Variants in PDGFRL observed in about 807,000 individuals in gnomAD.
PDGFRL encodes platelet derived growth factor receptor like.
In PDGFRL, 46 loss-of-function variants were observed where a neutral mutation model predicts 37.2. That is an observed-to-expected ratio of 1.24 (90% confidence interval 0.98 to 1.58). The LOEUF (loss-of-function observed/expected upper bound fraction) is 1.58, where lower values mean the gene tolerates loss of function less well. PDGFRL is among the 40% of genes most tolerant of loss of function. The pLI is 0.00. For synonymous variants in PDGFRL, 251 were observed against 184.3 expected, an observed-to-expected ratio of 1.36 and a Z score of -2.93; for missense variants, 692 against 467.6, an observed-to-expected ratio of 1.48 and a Z score of -4.43.
chr8:17,620,188 C>CT (rs1804602836), intron 2 of PDGFRL, among the ~76,000 whole-genome samples: 1 of 152,176 alleles, frequency 6.6e-6, no homozygotes, highest in Non-Finnish European at 1.5e-5. Flanking sequence ...TCTCAAACTC[C>CT]TGGCCTCAAG....
intron 3 of PDGFRL, 53 bp from the exon 4 acceptor site, chr8:17,628,434 T>C (rs1804781207): frequency 2.0e-6 from 3 of 1,469,356 alleles, no homozygotes; most frequent in Non-Finnish European, 2.8e-6. Context: ...TTAAGGGTGC[T>C]TTTACTTTGC....
chr8:17,638,585 CCATT>C (rs1805020578), intron 5 of PDGFRL, among the ~76,000 whole-genome samples: 1 of 151,128 alleles, frequency 6.6e-6, no homozygotes, highest in Non-Finnish European at 1.5e-5. Flanking sequence ...TAGTTTAAAT[CCATT>C]GTTTCTTTGT....
chr8:17,608,955 A>C (rs11786690), intron 2 of PDGFRL, among the ~76,000 whole-genome samples: 2 of 152,080 alleles, frequency 1.3e-5, no homozygotes, highest in African/African-American at 2.4e-5. Flanking sequence ...AAGGCAGCTC[A>C]TGCCTGTAAT....
At chr8:17,603,124 A>G (rs2517179) in intron 2 of PDGFRL, among the ~76,000 whole-genome samples, 148,901 of 152,214 alleles carry the variant, frequency 0.98, 72,898 homozygotes, top group East Asian at 1. Context: ...CTGAGGTTAC[A>G]GGCGTGCGCC....
Position 17,621,072 on chromosome 8 carries a change from C to T in PDGFRL, c.375C>T (p.Tyr125=), listed in dbSNP as rs561894241. 7.8e-5 allele frequency: 125 copies of T among 1,608,434 alleles called. No individual in the cohort carries two copies. Among genetic ancestry groups the T allele is most frequent in the East Asian group, 5.4e-4 (24 of 44,614 alleles). The change falls in exon 3 of 6, where the codon TAC becomes TAT. Residue 125 remains tyrosine (Y), a synonymous_variant. Coordinates refer to ENST00000251630, the MANE Select transcript of PDGFRL (RefSeq NM_001372073.1). ...CTAGCGTCAAGCAGAATGAGCGCTA[C>T]GGCCAGTTGACTCTGGTCAACTCCA... The part of the protein sequence containing the change: ...SRLSVKQNER[Y]GQLTLVNSTS...
At chr8:17,577,214 C>G (rs745866934), upstream of PDGFRL, 7 of 1,599,104 alleles carry the variant, frequency 4.4e-6, no homozygotes, top group Admixed American at 1.0e-4. Flanking sequence ...CCCCGCGCAG[C>G]CGCCGCGCTC....
chr8:17,599,819 G>T (rs1420170588), intron 2 of PDGFRL, among the ~76,000 whole-genome samples: 1 of 152,102 alleles, frequency 6.6e-6, no homozygotes, highest in Non-Finnish European at 1.5e-5. Context: ...CTCCTTCCCT[G>T]ATCTACCAGT....
In PDGFRL at chr8:17,643,002, G is replaced by C; in HGVS notation, c.*201G>C. 1 of 499,764 alleles carries C rather than the reference G, an allele frequency of 2.0e-6. No homozygotes were observed. Among genetic ancestry groups the C allele is most frequent in the South Asian group, 3.8e-5 (1 of 26,622 alleles). 31.0% of individuals were successfully genotyped at this position (499,764 alleles called of 1,614,324 possible). On this transcript the variant is annotated 3_prime_UTR_variant, in exon 6 of 6. Coordinates refer to ENST00000251630, the MANE Select transcript of PDGFRL (RefSeq NM_001372073.1). Reference sequence around the variant, plus strand: ...CACAGAAGTGTTAACTTTTCTAACAGAAAGCATGATTTTGATTGCTTACCT... The same window carrying C: ...CACAGAAGTGTTAACTTTTCTAACACAAAGCATGATTTTGATTGCTTACCT...
At chr8:17,622,758 C>T (rs144101772) in intron 3 of PDGFRL, among the ~76,000 whole-genome samples, 152 of 152,290 alleles carry the variant, frequency 1.0e-3, no homozygotes, top group African/African-American at 3.5e-3. Context: ...AGGTTGCTCT[C>T]CACACAATTG....
intron 2 of PDGFRL, among the ~76,000 whole-genome samples, chr8:17,609,161 T>C (rs953773180): frequency 6.6e-6 from 1 of 152,136 alleles, no homozygotes; most frequent in Non-Finnish European, 1.5e-5. Context: ...ATGGTCACAC[T>C]GCTGCACTCC....
At chr8:17,633,804 T>G (rs35366230) in intron 4 of PDGFRL, among the ~76,000 whole-genome samples, 13,173 of 152,188 alleles carry the variant, frequency 0.087, 707 homozygotes, top group African/African-American at 0.14. Flanking sequence ...TGACCACTGA[T>G]GGACCTCTGA....
At chr8:17,634,972 G>GT (rs1563530802) in intron 5 of PDGFRL, among the ~76,000 whole-genome samples, 7 of 146,304 alleles carry the variant, frequency 4.8e-5, no homozygotes, top group Admixed American at 1.3e-4. Flanking sequence ...TAAAATAAAA[G>GT]GTTTTTTTTT....
At chr8:17,604,412 A>T (rs1804228878) in intron 2 of PDGFRL, among the ~76,000 whole-genome samples, 1 of 152,220 alleles carries the variant, frequency 6.6e-6, no homozygotes, top group South Asian at 2.1e-4. Flanking sequence ...GCCATGAAAA[A>T]TGATGAGTTC....
chr8:17,580,649 G>C (rs575530809), intron 1 of PDGFRL, among the ~76,000 whole-genome samples: 1 of 152,150 alleles, frequency 6.6e-6, no homozygotes, highest in Non-Finnish European at 1.5e-5. Flanking sequence ...AAGTGGCATC[G>C]AGAATCATGA....
At chr8:17,629,825 C>T (rs1347931054) in intron 4 of PDGFRL, among the ~76,000 whole-genome samples, 1 of 152,180 alleles carries the variant, frequency 6.6e-6, no homozygotes, top group Non-Finnish European at 1.5e-5. Flanking sequence ...CAGGCTTGTA[C>T]TTTCCCAGGA....
chr8:17,576,829 T>G (rs1803590587), upstream of PDGFRL: 3 of 388,268 alleles, frequency 7.7e-6, no homozygotes, highest in Non-Finnish European at 7.3e-6. Context: ...TACAGAGCAC[T>G]CAGGTTCTGC....
At chr8:17,595,160 G>A (rs1258939941) in intron 2 of PDGFRL, among the ~76,000 whole-genome samples, 1 of 152,126 alleles carries the variant, frequency 6.6e-6, no homozygotes, top group Non-Finnish European at 1.5e-5. Flanking sequence ...CATGCCCAGA[G>A]CAAGGCCCCC....
chr8:17,640,897 G>T, intron 5 of PDGFRL, among the ~76,000 whole-genome samples: 1 of 152,154 alleles, frequency 6.6e-6, no homozygotes, highest in South Asian at 2.1e-4. Context: ...ATTAGTTGGG[G>T]GTGGGCTAGG....
intron 5 of PDGFRL, among the ~76,000 whole-genome samples, chr8:17,641,250 C>T (rs11203880): frequency 0.95 from 144,578 of 152,324 alleles, 69,082 homozygotes; most frequent in East Asian, 1. Context: ...CTACCTGCCA[C>T]GGTTTCTGTG....
Sources: gnomAD v4.1 joint callset for allele counts (sites outside exome capture counted in the v4.1 genomes callset) on GRCh38, gnomAD v4.1.1 for gene constraint, MANE v1.5 for transcripts, NCBI Gene and HGNC (gene_info 2026-07-23, HGNC 2026-07-21) for gene names.